IL1RAPL2: variants seen among roughly 807,000 people sequenced by gnomAD.
The protein encoded by IL1RAPL2 is interleukin 1 receptor accessory protein like 2, also known as X-linked interleukin-1 receptor accessory protein-like 2.
Under a neutral mutation model 44.1 loss-of-function variants are expected in IL1RAPL2, and 3 were observed. That is an observed-to-expected ratio of 0.07 (90% confidence interval 0.03 to 0.18). IL1RAPL2 has a LOEUF of 0.18. IL1RAPL2 is among the 10% of genes least tolerant of loss of function. The probability of loss-of-function intolerance (pLI) is 1.00; values close to 1 mark genes in which losing one functional copy is unlikely to be tolerated. For missense variants in IL1RAPL2, 391 were observed against 496.4 expected (o/e 0.79, Z 2.02); for synonymous variants, 181 against 178.8 (o/e 1.01, Z -0.10).
At chrX:105,514,681 G>A (rs913750112) in intron 6 of IL1RAPL2, among the ~76,000 whole-genome samples, 1 of 111,501 alleles carries the variant, frequency 9.0e-6, no homozygotes, top group Non-Finnish European at 1.9e-5. Flanking sequence ...GACAGTAAAA[G>A]GAGGCACATG....
Position 104,796,157 on chromosome X carries a change from A to G in IL1RAPL2, c.82+137162A>G, listed in dbSNP as rs187542081. ...GAAACTTGTTTCACTTTTTTGTTTT[A>G]TTTTCTCTGTCTATAAAATGAGGGT... On this transcript the variant is annotated intron_variant, in intron 2 of 10. Coordinates refer to ENST00000372582, the MANE Select transcript of IL1RAPL2 (RefSeq NM_017416.2). Among the ~76,000 whole-genome samples, 22 of 111,795 alleles carry G rather than the reference A, an allele frequency of 2.0e-4. No homozygotes were observed. In the South Asian group the frequency reaches 3.0e-3, roughly 15 times the overall value.
chrX:104,803,154 T>A (rs1932896803), intron 2 of IL1RAPL2, among the ~76,000 whole-genome samples: 1 of 111,959 alleles, frequency 8.9e-6, no homozygotes, highest in Admixed American at 9.5e-5. Context: ...AAGCTGTCCT[T>A]GCAGGAGGTA....
chrX:104,666,694 A>T (rs1367804864), intron 2 of IL1RAPL2, among the ~76,000 whole-genome samples: 1 of 111,608 alleles, frequency 9.0e-6, no homozygotes, highest in Non-Finnish European at 1.9e-5. Context: ...AACCCAACTC[A>T]TGTAGGCACA....
chrX:105,677,000 G>A (rs2037878415), intron 6 of IL1RAPL2, among the ~76,000 whole-genome samples: 2 of 111,859 alleles, frequency 1.8e-5, no homozygotes, highest in Admixed American at 1.9e-4. Flanking sequence ...GCTATGTGAA[G>A]TAAACCTCCA....
intron 2 of IL1RAPL2, among the ~76,000 whole-genome samples, chrX:104,936,216 G>A (rs988716827): frequency 2.7e-5 from 3 of 111,780 alleles, no homozygotes; most frequent in Non-Finnish European, 5.6e-5. Context: ...CCATATACCA[G>A]GCAGTAGCGT....
rs1051909143 is a variant in IL1RAPL2 at position 105,306,949 on chromosome X, C to T, written c.697+39408C>T. ...ACTCACAGTTCCGCATGGCTGGGAACGCCTCAGGAAACTTACAATAATGTC... is the reference window on the plus strand; with the variant it reads ...ACTCACAGTTCCGCATGGCTGGGAATGCCTCAGGAAACTTACAATAATGTC... On this transcript the variant is annotated intron_variant, in intron 5 of 10. Transcript: ENST00000372582. Among the ~76,000 whole-genome samples the T allele has an allele frequency of 4.5e-5, 5 of 111,252 alleles. No homozygotes were observed. The East Asian group carries it at 8.5e-4, about 19-fold the overall frequency.
At chrX:105,088,398 G>A (rs1001612562) in intron 2 of IL1RAPL2, among the ~76,000 whole-genome samples, 16 of 111,718 alleles carry the variant, frequency 1.4e-4, no homozygotes, top group Admixed American at 7.6e-4. Context: ...TAGCATTTCT[G>A]TTTATTCCAT....
At chrX:104,634,304 A>T (rs1363219462) in intron 1 of IL1RAPL2, among the ~76,000 whole-genome samples, 1 of 111,768 alleles carries the variant, frequency 8.9e-6, no homozygotes, top group Non-Finnish European at 1.9e-5. Flanking sequence ...GTGGTGCTGA[A>T]AAGAATGTAT....
rs1187614202 is a variant in IL1RAPL2, at chrX:105,570,390, T to A, written c.772+86003T>A. 2.4e-4 allele frequency among the ~76,000 whole-genome samples: 27 copies of A among 112,329 alleles called. 1 individual carries two copies. Among genetic ancestry groups the A allele is most frequent in the Non-Finnish European group, 2.1e-4 (11 of 53,215 alleles). The stretch of plus-strand genomic sequence containing the variant: ...TGGTCCATATTTTTACATTTGTGAA[T>A]TGTGCTGCTATAAATACGTATGTGT... On this transcript the variant is annotated intron_variant, in intron 6 of 10. Transcript: ENST00000372582.
At chrX:104,626,677 TAAA>T (rs367629399) in intron 1 of IL1RAPL2, among the ~76,000 whole-genome samples, 1 of 105,159 alleles carries the variant, frequency 9.5e-6, no homozygotes, top group Non-Finnish European at 2.0e-5. Context: ...CTATAACTCA[TAAA>T]AAAAAAAGTA....
intron 5 of IL1RAPL2, among the ~76,000 whole-genome samples, chrX:105,427,853 T>C (rs1390874432): frequency 8.9e-6 from 1 of 111,975 alleles, no homozygotes; most frequent in East Asian, 2.8e-4. Flanking sequence ...GAGTTTCTGA[T>C]TCAGTTTCTA....
At position 105,007,596 on chromosome X, in the gene IL1RAPL2, A is replaced by G. The variant is rs188763266; in HGVS notation, c.83-187879A>G. On this transcript the variant is annotated intron_variant, in intron 2 of 10. Transcript: ENST00000372582. The stretch of plus-strand genomic sequence containing the variant: ...CTGACAATCCTTAAGGCTTCTTCCA[A>G]TGCTAAGATTCTAGACATAAAATCC... Among the ~76,000 whole-genome samples, 24 of 111,723 alleles carry G rather than the reference A, an allele frequency of 2.1e-4. No homozygotes were observed. In the East Asian group the frequency reaches 2.3e-3, roughly 11 times the overall value.
At chrX:104,971,293 A>G (rs1569353666) in intron 2 of IL1RAPL2, among the ~76,000 whole-genome samples, 2 of 111,547 alleles carry the variant, frequency 1.8e-5, no homozygotes, top group Non-Finnish European at 3.8e-5. Context: ...GGTTGCAGTG[A>G]GCCGAGATTG....
chrX:105,363,785 TA>T (rs2035272173), intron 5 of IL1RAPL2, among the ~76,000 whole-genome samples: 3 of 110,985 alleles, frequency 2.7e-5, no homozygotes, highest in Admixed American at 9.7e-5. Context: ...CCCAATTTTT[TA>T]AACCTGGTGA....
intron 2 of IL1RAPL2, among the ~76,000 whole-genome samples, chrX:104,720,141 G>A (rs1042160094): frequency 9.0e-6 from 1 of 111,156 alleles, no homozygotes; most frequent in Non-Finnish European, 1.9e-5. Flanking sequence ...CTTATTTTTG[G>A]TTGCCATATC....
At chrX:104,969,904 A>G (rs895019690) in intron 2 of IL1RAPL2, among the ~76,000 whole-genome samples, 1 of 111,621 alleles carries the variant, frequency 9.0e-6, no homozygotes, top group Non-Finnish European at 1.9e-5. Context: ...GGACACTCTC[A>G]TACACTAGTT....
At chrX:105,421,346 A>G (rs2035772940) in intron 5 of IL1RAPL2, among the ~76,000 whole-genome samples, 1 of 111,593 alleles carries the variant, frequency 9.0e-6, no homozygotes, top group African/African-American at 3.3e-5. Context: ...ATCAAACAGG[A>G]CGCAGATTTG....
At chrX:105,028,998 TTAAA>T (rs1252778743) in intron 2 of IL1RAPL2, among the ~76,000 whole-genome samples, 1 of 109,661 alleles carries the variant, frequency 9.1e-6, no homozygotes, top group Non-Finnish European at 1.9e-5. Flanking sequence ...TGTGCCGTCT[TTAAA>T]TAAAGCTGTT....
rs184458567 is a variant in IL1RAPL2 at position 105,075,878 on chromosome X, C to T, written c.83-119597C>T. Among the ~76,000 whole-genome samples the T allele has an allele frequency of 5.5e-3, 612 of 111,531 alleles. 7 individuals are homozygous for T. The highest frequency in any genetic ancestry group is 0.019 in the African/African-American group (586 of 30,662). The stretch of plus-strand genomic sequence containing the variant: ...ATGGTAGTTTGTATTTCTGTGGAAT[C>T]GATGGTGATATCCCGTTTGTCATTT... On this transcript the variant is annotated intron_variant, in intron 2 of 10. Transcript: ENST00000372582.
Sources: allele counts gnomAD v4.1 joint callset (sites outside exome capture counted in the v4.1 genomes callset), GRCh38; gene constraint gnomAD v4.1.1; transcripts MANE v1.5; gene names NCBI Gene and HGNC (gene_info 2026-07-23, HGNC 2026-07-21).